Variants in ANLN observed in about 807,000 individuals in gnomAD.
ANLN encodes the protein anillin.
A neutral mutation model predicts 135.1 loss-of-function variants in ANLN; 59 were observed. The observed-to-expected ratio is 0.44, with a 90% confidence interval of 0.35 to 0.54. ANLN has a LOEUF of 0.54. Among genes scored for constraint, ANLN ranks in the 20% least tolerant of loss-of-function variants. The pLI is 0.00. For missense variants in ANLN, 1,182 were observed against 1,340.0 expected (o/e 0.88, Z 1.84); for synonymous variants, 406 against 456.4 (o/e 0.89, Z 1.41).
At chr7:36,425,430 G>A (rs1562807229) in intron 17 of ANLN, among the ~76,000 whole-genome samples, 1 of 151,958 alleles carries the variant, frequency 6.6e-6, no homozygotes, top group Non-Finnish European at 1.5e-5. Context: ...GTGAAGCTGG[G>A]ACTACAGGTG....
intron 1 of ANLN, 98 bp downstream of exon 1, chr7:36,390,142 G>A: frequency 6.3e-7 from 1 of 1,594,136 alleles, no homozygotes; most frequent in Non-Finnish European, 8.6e-7. Flanking sequence ...ACCGGGCGGA[G>A]GGCGCGTGTG....
intron 22 of ANLN, among the ~76,000 whole-genome samples, chr7:36,445,161 C>CTT (rs70977145): frequency 0.03 from 1,719 of 57,916 alleles, 374 homozygotes; most frequent in Admixed American, 0.036. Context: ...ATTTGGGATT[C>CTT]TTTTTTTTTT....
intron 20 of ANLN, among the ~76,000 whole-genome samples, chr7:36,438,433 A>G (rs1171921702): frequency 6.6e-6 from 1 of 152,140 alleles, no homozygotes; most frequent in Non-Finnish European, 1.5e-5. Flanking sequence ...GTGCAGTGGC[A>G]TGATCATAGC....
Position 36,411,154 on chromosome 7 carries a change from A to G in ANLN, c.1383A>G (p.Leu461=), listed in dbSNP as rs1319645629. The change falls in exon 7 of 24, where the codon CTA becomes CTG. Residue 461 remains leucine, a synonymous_variant. Transcript: ENST00000265748. ...GCGGAAACTCAAAAAGCAAACAACT[A>G]GAAACCAAACAGGTAATGTAAACAA... ...EKGGNSKSKQ[L]ETKQETHCQS... is the part of the protein sequence containing the mutation. 5 of 1,605,806 alleles carry G rather than the reference A, an allele frequency of 3.1e-6. No homozygotes were observed. The East Asian group carries it at 1.1e-4, about 36-fold the overall frequency.
intron 20 of ANLN, among the ~76,000 whole-genome samples, chr7:36,430,831 TTAACA>T (rs1486102051): frequency 1.3e-5 from 2 of 152,222 alleles, no homozygotes; most frequent in Non-Finnish European, 2.9e-5. Flanking sequence ...TTTACAGCTC[TTAACA>T]TAATCTTTGA....
intron 1 of ANLN, chr7:36,390,384 T>TGCTGGAAGCA: frequency 2.8e-6 from 1 of 353,826 alleles, no homozygotes; most frequent in South Asian, 4.6e-5. Context: ...GAACGGGTCC[T>TGCTGGAAGCA]GCTGGAAGCA....
At chr7:36,401,614 T>C (rs377480539) in intron 3 of ANLN, among the ~76,000 whole-genome samples, 3,027 of 79,180 alleles carry the variant, frequency 0.038, 208 homozygotes, top group African/African-American at 0.053. Context: ...GCTGGGATTA[T>C]AGACGTGAGC....
At chr7:36,450,573 C>A (rs2116839319) in intron 23 of ANLN, among the ~76,000 whole-genome samples, 1 of 152,198 alleles carries the variant, frequency 6.6e-6, no homozygotes. Context: ...TAAAATAGAA[C>A]AAAGTTGCCC....
intron 20 of ANLN, 105 bp from the exon 21 acceptor site, chr7:36,439,099 T>G: frequency 1.3e-6 from 1 of 742,790 alleles, no homozygotes; most frequent in East Asian, 2.6e-5. Context: ...GAAAATGCTC[T>G]GTTTTCAAGT....
At chr7:36,446,933 G>C (rs896014312) in intron 22 of ANLN, among the ~76,000 whole-genome samples, 1 of 152,124 alleles carries the variant, frequency 6.6e-6, no homozygotes, top group Non-Finnish European at 1.5e-5. Flanking sequence ...TGTCTGCTAA[G>C]GCCAGTCTCC....
Position 36,421,315 on chromosome 7 carries a change from A to C in ANLN, c.2164-542A>C, listed in dbSNP as rs189121205. Among the ~76,000 whole-genome samples, 90 of 151,986 alleles carry C rather than the reference A, an allele frequency of 5.9e-4. 3 individuals carry two copies. The East Asian group carries it at 0.017, about 29-fold the overall frequency. On this transcript the variant is annotated intron_variant, in intron 12 of 23. Coordinates refer to ENST00000265748, the MANE Select transcript of ANLN (RefSeq NM_018685.5). ...ACTCTTGAACTCAGGTGACCCACCC[A>C]CCTCAGCCTCCCAAAGTGCTAGGAT... is the stretch of plus-strand genomic sequence containing the variant.
intron 15 of ANLN, among the ~76,000 whole-genome samples, 176 bp from the exon 16 acceptor site, chr7:36,424,369 A>G (rs1787996606): frequency 6.6e-6 from 1 of 152,148 alleles, no homozygotes; most frequent in African/African-American, 2.4e-5. Context: ...AACACGGAGG[A>G]AAATATTTTG....
At chr7:36,427,158 AC>A (rs1692812810) in intron 20 of ANLN, 130 bp downstream of exon 20, 12 of 573,752 alleles carry the variant, frequency 2.1e-5, no homozygotes. Context: ...TTAGAATTGC[AC>A]ATTTTTGCTA....
At chr7:36,400,587 C>A (rs1786904396) in intron 3 of ANLN, among the ~76,000 whole-genome samples, 1 of 152,084 alleles carries the variant, frequency 6.6e-6, no homozygotes, top group Non-Finnish European at 1.5e-5. Context: ...TGGTCTCGAA[C>A]TCCTGACCTC....
intron 20 of ANLN, among the ~76,000 whole-genome samples, chr7:36,431,735 G>T (rs370509199): frequency 6.6e-6 from 1 of 151,026 alleles, no homozygotes; most frequent in East Asian, 1.9e-4. Flanking sequence ...TTCCCTTCAA[G>T]GCTTGGGTGT....
chr7:36,422,763 C>T lies in ANLN; in HGVS notation c.2430C>T (p.Arg810=), dbSNP rs1292872409. The change falls in exon 14 of 24, where the codon CGC becomes CGT. Residue 810 remains arginine (R), a synonymous_variant. Transcript: ENST00000265748. ...SKGSVTLSEI[R]LPLKADFVCS... ...GATCAGTTACTTTGTCAGAAATCCG[C>T]TTGCCTCTAAAAGCAGATTTTGTCT... 1.2e-6 allele frequency: 2 copies of T among 1,612,984 alleles called. No individual in the cohort carries two copies. Among genetic ancestry groups the T allele is most frequent in the Non-Finnish European group, 1.7e-6 (2 of 1,179,652 alleles).
intron 20 of ANLN, among the ~76,000 whole-genome samples, chr7:36,431,842 C>G (rs1788344507): frequency 6.6e-6 from 1 of 151,656 alleles, no homozygotes; most frequent in African/African-American, 2.4e-5. Flanking sequence ...AATTCTGGTT[C>G]TCACTTCCTT....
chr7:36,431,383 C>T (rs751311217), intron 20 of ANLN, among the ~76,000 whole-genome samples: 3 of 151,698 alleles, frequency 2.0e-5, no homozygotes, highest in Non-Finnish European at 4.4e-5. Flanking sequence ...ATACTAAAAA[C>T]TCAAATTTAG....
At chr7:36,419,216 A>G (rs769854893) in intron 9 of ANLN, 28 bp from the exon 10 acceptor site, 3 of 1,486,212 alleles carry the variant, frequency 2.0e-6, no homozygotes, top group Non-Finnish European at 2.8e-6. Flanking sequence ...TCTGAGTCAC[A>G]GTGTCCACCT....
Sources: allele counts gnomAD v4.1 joint callset (sites outside exome capture counted in the v4.1 genomes callset), GRCh38; gene constraint gnomAD v4.1.1; transcripts MANE v1.5; gene names NCBI Gene and HGNC (gene_info 2026-07-23, HGNC 2026-07-21).